Variants in FHOD3 observed in about 807,000 individuals in gnomAD.
FHOD3 encodes the protein FH1/FH2 domain-containing protein 3.
Under a neutral mutation model 173.0 loss-of-function variants are expected in FHOD3, and 90 were observed. That is an observed-to-expected ratio of 0.52 (90% CI 0.44 to 0.62). The LOEUF is 0.62. Among genes scored for constraint, FHOD3 ranks in the 20% least tolerant of loss-of-function variants. The pLI, the probability that FHOD3 is intolerant of heterozygous loss-of-function variation, is 0.00. For synonymous variants in FHOD3, 828 were observed against 823.0 expected (o/e 1.01, Z -0.10); for missense variants, 1,945 against 2,034.7 (o/e 0.96, Z 0.85).
At chr18:36,383,188 T>G (rs2047876329) in intron 3 of FHOD3, among the ~76,000 whole-genome samples, 1 of 152,202 alleles carries the variant, frequency 6.6e-6, no homozygotes, top group South Asian at 2.1e-4. Flanking sequence ...AGGTGACTTG[T>G]GTGGCCTGGG....
chr18:36,492,748 C>A (rs565197358), intron 3 of FHOD3, among the ~76,000 whole-genome samples: 1 of 152,116 alleles, frequency 6.6e-6, no homozygotes, highest in Non-Finnish European at 1.5e-5. Context: ...CAGGCTAAAT[C>A]GGGGGTACCT....
At chr18:36,745,204 G>A (rs2042092331) in intron 23 of FHOD3, among the ~76,000 whole-genome samples, 1 of 152,210 alleles carries the variant, frequency 6.6e-6, no homozygotes, top group Admixed American at 6.5e-5. Flanking sequence ...CAGAGCCACA[G>A]GCTGGCCTCT....
chr18:36,473,559 T>G (rs1384485006), intron 3 of FHOD3, among the ~76,000 whole-genome samples: 1 of 152,196 alleles, frequency 6.6e-6, no homozygotes, highest in Non-Finnish European at 1.5e-5. Flanking sequence ...GAGCCCTGAT[T>G]CCCAATTTCA....
chr18:36,463,927 G>A (rs1463843187), intron 3 of FHOD3, among the ~76,000 whole-genome samples: 3 of 152,062 alleles, frequency 2.0e-5, no homozygotes, highest in African/African-American at 7.2e-5. Context: ...TCTTATTTGG[G>A]TTGCTGTTAA....
chr18:36,687,061 T>C, intron 15 of FHOD3, 67 bp from the exon 16 acceptor site: 1 of 1,182,140 alleles, frequency 8.5e-7, no homozygotes. Flanking sequence ...AATTTATTGG[T>C]AATTTTCTGA....
At chr18:36,605,976 G>T (rs2032024548) in intron 8 of FHOD3, among the ~76,000 whole-genome samples, 1 of 152,078 alleles carries the variant, frequency 6.6e-6, no homozygotes, top group South Asian at 2.1e-4. Context: ...AAAACTGATT[G>T]CCTTGTAAAA....
At chr18:36,448,757 A>T (rs1005673975) in intron 3 of FHOD3, among the ~76,000 whole-genome samples, 1 of 152,114 alleles carries the variant, frequency 6.6e-6, no homozygotes, top group African/African-American at 2.4e-5. Flanking sequence ...GATGCTGAAA[A>T]GGAGCCTGGG....
intron 5 of FHOD3, among the ~76,000 whole-genome samples, chr18:36,515,937 T>G (rs2055949384): frequency 6.6e-6 from 1 of 152,162 alleles, no homozygotes; most frequent in Admixed American, 6.5e-5. Context: ...CTGTGCCCAA[T>G]TGTCACCACA....
Position 36,593,820 on chromosome 18 carries a change from G to A in FHOD3, c.607-967G>A, listed in dbSNP as rs563755599. Among the ~76,000 whole-genome samples the A allele has an allele frequency of 2.6e-5, 4 of 152,308 alleles. No individual in the cohort carries two copies. In the East Asian group the frequency reaches 7.7e-4, roughly 29 times the overall value. ...CACAGTGCAAATAAGCCCCCTCAAA[G>A]CGCATTTTGCCCATAGCGGGATGGG... is the stretch of plus-strand genomic sequence containing the variant. On this transcript the variant is annotated intron_variant, in intron 6 of 28. Coordinates refer to ENST00000590592, the MANE Select transcript of FHOD3 (RefSeq NM_001281740.3).
intron 3 of FHOD3, among the ~76,000 whole-genome samples, chr18:36,401,670 A>C (rs1414309811): frequency 6.6e-6 from 1 of 152,140 alleles, no homozygotes; most frequent in African/African-American, 2.4e-5. Context: ...ACAACATTCT[A>C]TGCTCTCTGG....
Position 36,384,085 on chromosome 18 carries a change from G to A in FHOD3, c.337+11341G>A, listed in dbSNP as rs952913846. The stretch of plus-strand genomic sequence containing the variant: ...TTCAGTGTCCTCATTTATCAAAAGG[G>A]GATGATAATATCGCCTTTAAAAATT... On this transcript the variant is annotated intron_variant, in intron 3 of 28. Transcript: ENST00000590592. Among the ~76,000 whole-genome samples, 16 of 152,238 alleles carry A rather than the reference G, an allele frequency of 1.1e-4. No homozygotes were observed. In the East Asian group the frequency reaches 1.7e-3, roughly 17 times the overall value.
intron 3 of FHOD3, among the ~76,000 whole-genome samples, chr18:36,384,456 A>G: frequency 6.6e-6 from 1 of 152,028 alleles, no homozygotes; most frequent in South Asian, 2.1e-4. Context: ...CTATAATCCC[A>G]GCTACTTGGG....
chr18:36,557,662 A>C (rs1396064480), intron 5 of FHOD3, among the ~76,000 whole-genome samples: 4 of 152,128 alleles, frequency 2.6e-5, no homozygotes, highest in Non-Finnish European at 4.4e-5. Context: ...TTTTTATTGA[A>C]TTTCACACAC....
chr18:36,564,847 C>T (rs1040813237), intron 5 of FHOD3, among the ~76,000 whole-genome samples: 2 of 151,976 alleles, frequency 1.3e-5, no homozygotes, highest in Admixed American at 6.6e-5. Flanking sequence ...AGAAAATGGT[C>T]ATTCTAAGGT....
intron 3 of FHOD3, among the ~76,000 whole-genome samples, chr18:36,397,914 T>C (rs543382919): frequency 6.6e-6 from 1 of 152,320 alleles, no homozygotes; most frequent in East Asian, 1.9e-4. Flanking sequence ...CTTAAGAGGC[T>C]TTCTGGAAGT....
At chr18:36,466,597 A>G (rs529301876) in intron 3 of FHOD3, among the ~76,000 whole-genome samples, 34 of 152,206 alleles carry the variant, frequency 2.2e-4, no homozygotes, top group African/African-American at 6.8e-4. Context: ...CTGATTTGCA[A>G]TTGGTTAAAG....
rs2032717000 is a variant in FHOD3 at position 36,611,904 on chromosome 18, A to G, written c.814-48A>G. 24 of 1,569,110 alleles carry G rather than the reference A, an allele frequency of 1.5e-5. No homozygotes were observed. The East Asian group carries it at 5.4e-4, about 36-fold the overall frequency. On this transcript the variant is annotated intron_variant, in intron 8 of 28. Transcript: ENST00000590592. Reference sequence around the variant, plus strand: ...ATTGGAAAATGCCCTGAGAGCCTCAAGGCAGTCTTCTGTGGTGTCTCTGTA... The same window carrying G: ...ATTGGAAAATGCCCTGAGAGCCTCAGGGCAGTCTTCTGTGGTGTCTCTGTA...
intron 3 of FHOD3, among the ~76,000 whole-genome samples, chr18:36,423,006 C>T (rs1409807599): frequency 6.6e-6 from 1 of 152,058 alleles, no homozygotes; most frequent in African/African-American, 2.4e-5. Context: ...TGTCTCCTTC[C>T]TAGGTCATTC....
At chr18:36,657,709 T>C (rs2149179052) in intron 13 of FHOD3, among the ~76,000 whole-genome samples, 1 of 152,374 alleles carries the variant, frequency 6.6e-6, no homozygotes, top group East Asian at 1.9e-4. Flanking sequence ...TTAACACTAA[T>C]TGTGCCACCA....
Sources: gnomAD v4.1 joint callset for allele counts (sites outside exome capture counted in the v4.1 genomes callset) on GRCh38, gnomAD v4.1.1 for gene constraint, MANE v1.5 for transcripts, NCBI Gene and HGNC (gene_info 2026-07-23, HGNC 2026-07-21) for gene names.